Variants in FAM114A2 observed in about 807,000 individuals in gnomAD.
FAM114A2 encodes the protein family with sequence similarity 114 member A2.
Under a neutral mutation model 58.4 loss-of-function variants are expected in FAM114A2, and 53 were observed. The ratio of observed to expected loss-of-function variants is 0.91; its 90% CI spans 0.73 to 1.14. The LOEUF is 1.14. Ranked by LOEUF, FAM114A2 falls within the 50% of genes most tolerant of loss-of-function variation. The probability of loss-of-function intolerance (pLI) is 0.00; values close to 1 mark genes in which losing one functional copy is unlikely to be tolerated. For missense variants in FAM114A2, 601 were observed against 581.1 expected (o/e 1.03, Z -0.35); for synonymous variants, 228 against 211.4 (o/e 1.08, Z -0.68).
intron 8 of FAM114A2, among the ~76,000 whole-genome samples, chr5:154,023,428 G>A (rs896805513): frequency 6.6e-6 from 1 of 152,130 alleles, no homozygotes; most frequent in East Asian, 1.9e-4. Context: ...TATACATGAT[G>A]GAATACTACT....
Position 154,011,292 on chromosome 5 carries a change from T to C in FAM114A2, c.942A>G (p.Thr314=). 6.2e-7 allele frequency: 1 copy of C among 1,612,800 alleles called. No individual in the cohort carries two copies. The change falls in exon 9 of 14, where the codon ACA becomes ACG. Residue 314 remains threonine, a synonymous_variant. Coordinates refer to ENST00000351797, the MANE Select transcript of FAM114A2 (RefSeq NM_018691.4). ...AAACGTGCAGCTGGGAAAACAGCTC[T>C]GTTATGTCCTTGGTAAAATCTTCAT... The part of the protein sequence containing the change: ...KGDEDFTKDI[T]ELFSQLHVSS...
At chr5:154,034,630 G>A (rs758444040) in intron 2 of FAM114A2, 114 bp downstream of exon 2, 19 of 798,446 alleles carry the variant, frequency 2.4e-5, no homozygotes, top group Non-Finnish European at 4.0e-5. Context: ...GTTGTAAAGA[G>A]AAAGAAATAA....
chr5:153,995,579 T>C (rs543272908), intron 12 of FAM114A2, among the ~76,000 whole-genome samples: 73 of 152,254 alleles, frequency 4.8e-4, no homozygotes, highest in African/African-American at 1.6e-3. Context: ...TGGTCTTAAT[T>C]AAAACAAATG....
chr5:154,022,514 A>C (rs1248131359), intron 8 of FAM114A2, among the ~76,000 whole-genome samples: 1 of 152,260 alleles, frequency 6.6e-6, no homozygotes, highest in Non-Finnish European at 1.5e-5. Context: ...ACATGTATGC[A>C]GCCAATAGAC....
Position 154,002,777 on chromosome 5 carries a change from C to T in FAM114A2, c.1116+70G>A. 3.9e-6 allele frequency: 6 copies of T among 1,530,624 alleles called. No individual in the cohort carries two copies. The South Asian group carries it at 6.9e-5, about 18-fold the overall frequency. The allele number at this position is 1,530,624 out of a possible 1,614,324, so 94.8% of individuals were successfully genotyped here. ...CGGACAGCAGTGTAAAAATAGGAGC[C>T]TGGGTCCCTGATTGTGACACATTTC... is the stretch of plus-strand genomic sequence containing the variant. On this transcript the variant is annotated intron_variant, in intron 10 of 13. Transcript: ENST00000351797.
chr5:154,004,709 C>T (rs1770236940), intron 9 of FAM114A2, among the ~76,000 whole-genome samples: 1 of 133,970 alleles, frequency 7.5e-6, no homozygotes, highest in Non-Finnish European at 1.6e-5. Context: ...TTATCCAAGC[C>T]CCTCATCATC....
intron 8 of FAM114A2, among the ~76,000 whole-genome samples, chr5:154,020,647 A>G (rs1324516046): frequency 6.6e-6 from 1 of 152,192 alleles, no homozygotes; most frequent in Non-Finnish European, 1.5e-5. Context: ...AATTAAAGCA[A>G]TAATTAATAG....
chr5:154,028,101 A>G (rs1771917426), intron 6 of FAM114A2, 48 bp downstream of exon 6: 2 of 1,490,426 alleles, frequency 1.3e-6, no homozygotes, highest in Non-Finnish European at 1.8e-6. Flanking sequence ...AGGCAAAAAT[A>G]CAGATCAAAA....
intron 9 of FAM114A2, among the ~76,000 whole-genome samples, chr5:154,003,249 G>A (rs1770123714): frequency 6.6e-6 from 1 of 150,802 alleles, no homozygotes; most frequent in African/African-American, 2.5e-5. Context: ...CACAATCTTG[G>A]CTCACTGCAA....
chr5:154,025,259 T>C (rs1771700863), intron 8 of FAM114A2, among the ~76,000 whole-genome samples: 1 of 150,536 alleles, frequency 6.6e-6, no homozygotes, highest in Non-Finnish European at 1.5e-5. Context: ...TTTTTACTGC[T>C]TCATCAAGGA....
At chr5:153,997,056 C>CCACAATGA (rs1769616661) in intron 12 of FAM114A2, among the ~76,000 whole-genome samples, 1 of 147,572 alleles carries the variant, frequency 6.8e-6, no homozygotes, top group African/African-American at 2.5e-5. Flanking sequence ...TAAATCAAAA[C>CCACAATGA]CACAATGAGA....
In FAM114A2 at chr5:153,991,795, T is replaced by G. The variant is rs985639387; in HGVS notation, c.*1181A>C. ...TGATTAATACATTTTATTACAAAGG[T>G]TTTAGAAGATGAGGGGCAGAGCTAA... On this transcript the variant is annotated 3_prime_UTR_variant, in exon 14 of 14. Transcript: ENST00000351797. The G allele has an allele frequency of 6.6e-6, 1 of 151,444 alleles. No individual in the cohort carries two copies. Among genetic ancestry groups the G allele is most frequent in the Non-Finnish European group, 1.5e-5 (1 of 67,926 alleles). The allele number at this position is 151,444 out of a possible 1,614,324, so 9.4% of individuals were successfully genotyped here. A position where few individuals can be genotyped will look rare whatever the true frequency, so the allele number is the denominator to read the frequency against.
chr5:153,995,846 C>T (rs886377032), intron 12 of FAM114A2, among the ~76,000 whole-genome samples: 1 of 152,130 alleles, frequency 6.6e-6, no homozygotes, highest in Admixed American at 6.5e-5. Context: ...ACTTCTCTCC[C>T]ACCGGCTGGC....
chr5:153,997,505 T>C (rs1176567349), intron 12 of FAM114A2, among the ~76,000 whole-genome samples: 1 of 152,184 alleles, frequency 6.6e-6, no homozygotes, highest in Non-Finnish European at 1.5e-5. Context: ...CCACATATTG[T>C]TTAATCCCAT....
Position 154,029,597 on chromosome 5 carries a change from A to T in FAM114A2, c.404-17T>A. The stretch of plus-strand genomic sequence containing the variant: ...TTGTCTCTCCTACAAGAGGGAGGGG[A>T]TGTGTAAACATGAAGGGAAGGTCCC... On this transcript the variant is annotated splice_polypyrimidine_tract_variant and intron_variant, in intron 4 of 13. Transcript: ENST00000351797. 2 of 1,404,830 alleles carry T rather than the reference A, an allele frequency of 1.4e-6. No individual in the cohort carries two copies. Among genetic ancestry groups the T allele is most frequent in the Non-Finnish European group, 2.0e-6 (2 of 992,370 alleles). 87.0% of individuals were successfully genotyped at this position (1,404,830 alleles called of 1,614,324 possible).
intron 11 of FAM114A2, among the ~76,000 whole-genome samples, chr5:154,001,239 G>C (rs1442198942): frequency 6.6e-6 from 1 of 152,106 alleles, no homozygotes; most frequent in Non-Finnish European, 1.5e-5. Flanking sequence ...AGTCCTACTT[G>C]GTGATATAAG....
At chr5:154,024,302 T>C (rs1463894538) in intron 8 of FAM114A2, among the ~76,000 whole-genome samples, 2 of 152,120 alleles carry the variant, frequency 1.3e-5, no homozygotes, top group East Asian at 1.9e-4. Context: ...ATATAAAAAG[T>C]TATAAATATT....
rs796107501 is a variant in FAM114A2 at position 154,038,037 on chromosome 5, T to TAA, written c.-15+818_-15+819dup. ...CTCATTCATAATCTAGGAGAAAGGT[T>TAA]AAAAAAAAAAAAGGAATAAACACCA... is the stretch of plus-strand genomic sequence containing the variant. On this transcript the variant is annotated intron_variant, in intron 1 of 13. Transcript: ENST00000351797. 7.7e-3 allele frequency among the ~76,000 whole-genome samples: 1,108 copies of TAA among 143,362 alleles called. 16 individuals are homozygous for TAA. Among genetic ancestry groups the TAA allele is most frequent in the African/African-American group, 0.027 (1,048 of 39,214 alleles). 94.1% of individuals were successfully genotyped at this position (143,362 alleles called of 152,430 possible).
At chr5:154,008,658 ACAG>A (rs59260801) in intron 9 of FAM114A2, among the ~76,000 whole-genome samples, 5,743 of 152,068 alleles carry the variant, frequency 0.038, 278 homozygotes, top group African/African-American at 0.11. Flanking sequence ...CCCTCAAGAT[ACAG>A]CACTATATGT....
Sources: allele counts gnomAD v4.1 joint callset (sites outside exome capture counted in the v4.1 genomes callset), GRCh38; gene constraint gnomAD v4.1.1; transcripts MANE v1.5; gene names NCBI Gene and HGNC (gene_info 2026-07-23, HGNC 2026-07-21).